PPP1R9A: variants seen among roughly 807,000 people sequenced by gnomAD.
PPP1R9A encodes neurabin-1.
In PPP1R9A, 59 loss-of-function variants were observed where a neutral mutation model predicts 141.9. The ratio of observed to expected loss-of-function variants is 0.42; its 90% CI spans 0.34 to 0.52. PPP1R9A has a LOEUF of 0.52. Ranked by LOEUF, PPP1R9A falls within the 20% of genes least tolerant of loss-of-function variation. The pLI, the probability that PPP1R9A is intolerant of heterozygous loss-of-function variation, is 0.10. For missense variants in PPP1R9A, 1,444 were observed against 1,611.9 expected (o/e 0.90, Z 1.78); for synonymous variants, 500 against 569.7 (o/e 0.88, Z 1.74).
chr7:95,037,057 A>G (rs1808522452), intron 2 of PPP1R9A: 2 of 152,322 alleles, frequency 1.3e-5, no homozygotes, highest in South Asian at 2.1e-4. Flanking sequence ...TTTCTATCCC[A>G]TAGAGATACA....
At chr7:95,006,859 A>G (rs939576928) in intron 2 of PPP1R9A, among the ~76,000 whole-genome samples, 3 of 151,058 alleles carry the variant, frequency 2.0e-5, no homozygotes, top group African/African-American at 7.3e-5. Context: ...GAATGGCCAT[A>G]ATAATTTTTT....
chr7:94,949,833 T>C (rs1421507012), intron 2 of PPP1R9A, among the ~76,000 whole-genome samples: 2 of 152,004 alleles, frequency 1.3e-5, no homozygotes, highest in Non-Finnish European at 2.9e-5. Flanking sequence ...GGTTGTCTTC[T>C]GGCTAGTAAA....
At chr7:95,258,436 G>A (rs984647799) in intron 12 of PPP1R9A, among the ~76,000 whole-genome samples, 5 of 152,070 alleles carry the variant, frequency 3.3e-5, no homozygotes, top group African/African-American at 9.7e-5. Context: ...CAGATGAGTA[G>A]ATTGCAAAAA....
chr7:95,207,410 TA>T (rs1321329514), intron 7 of PPP1R9A, among the ~76,000 whole-genome samples: 1 of 152,014 alleles, frequency 6.6e-6, no homozygotes, highest in Non-Finnish European at 1.5e-5. Context: ...TATGAAGTAA[TA>T]AAACATAACT....
At chr7:95,114,093 C>CA (rs1201525082) in intron 3 of PPP1R9A, among the ~76,000 whole-genome samples, 1 of 151,820 alleles carries the variant, frequency 6.6e-6, no homozygotes, top group South Asian at 2.1e-4. Context: ...TTGGTAGTAG[C>CA]AAAAAAACAA....
intron 5 of PPP1R9A, among the ~76,000 whole-genome samples, chr7:95,173,052 A>G (rs1832368813): frequency 6.6e-6 from 1 of 151,976 alleles, no homozygotes; most frequent in African/African-American, 2.4e-5. Context: ...TTCATCTCAC[A>G]GTATATATAA....
chr7:94,981,536 C>T (rs958088157), intron 2 of PPP1R9A, among the ~76,000 whole-genome samples: 2 of 152,048 alleles, frequency 1.3e-5, no homozygotes, highest in African/African-American at 4.8e-5. Flanking sequence ...TGTGCCTGGC[C>T]TACGTTTTTT....
At chr7:95,210,734 C>T (rs1791922100) in intron 7 of PPP1R9A, among the ~76,000 whole-genome samples, 1 of 152,146 alleles carries the variant, frequency 6.6e-6, no homozygotes, top group Non-Finnish European at 1.5e-5. Context: ...ATAGCAAAGA[C>T]TTGGAACCAA....
intron 2 of PPP1R9A, among the ~76,000 whole-genome samples, chr7:94,988,869 C>G (rs182031941): frequency 6.6e-6 from 1 of 151,474 alleles, no homozygotes; most frequent in Admixed American, 6.6e-5. Context: ...TTTTTTCAGT[C>G]CTTAGCTGTT....
chr7:95,256,807 T>C (rs969299536), intron 12 of PPP1R9A, among the ~76,000 whole-genome samples: 2 of 152,050 alleles, frequency 1.3e-5, no homozygotes, highest in Non-Finnish European at 2.9e-5. Context: ...ACATCAATCA[T>C]TTCCAACAAA....
At chr7:95,072,703 TATATA>T (rs1814048370) in intron 2 of PPP1R9A, among the ~76,000 whole-genome samples, 1 of 113,884 alleles carries the variant, frequency 8.8e-6, no homozygotes, top group African/African-American at 3.5e-5. Context: ...TGTAATATAA[TATATA>T]ATATATTATA....
At chr7:95,023,917 G>T (rs1036196595) in intron 2 of PPP1R9A, among the ~76,000 whole-genome samples, 2 of 152,118 alleles carry the variant, frequency 1.3e-5, no homozygotes, top group Non-Finnish European at 1.5e-5. Context: ...TTCTCTTGTG[G>T]GCATTTAGTG....
intron 14 of PPP1R9A, among the ~76,000 whole-genome samples, chr7:95,270,156 A>C (rs1801947112): frequency 6.7e-6 from 1 of 148,512 alleles, no homozygotes; most frequent in South Asian, 2.1e-4. Context: ...TGTGTATCTC[A>C]CAAACCTAAA....
intron 2 of PPP1R9A, among the ~76,000 whole-genome samples, chr7:94,915,918 G>T (rs1792016499): frequency 6.6e-6 from 1 of 152,260 alleles, no homozygotes; most frequent in East Asian, 1.9e-4. Flanking sequence ...GACCATCCTT[G>T]GTGTCTTCAG....
chr7:95,123,707 T>G (rs557928697), intron 4 of PPP1R9A, among the ~76,000 whole-genome samples: 4 of 152,042 alleles, frequency 2.6e-5, no homozygotes, highest in Admixed American at 6.6e-5. Flanking sequence ...TTTAAGAAAA[T>G]GTAACTAGGA....
intron 5 of PPP1R9A, among the ~76,000 whole-genome samples, chr7:95,182,782 A>T (rs1186894184): frequency 1.3e-5 from 2 of 152,206 alleles, no homozygotes; most frequent in Non-Finnish European, 2.9e-5. Context: ...TGTTGAATAT[A>T]TCAGAATGGC....
At position 94,910,959 on chromosome 7, in the gene PPP1R9A, G is replaced by A; in HGVS notation, c.846G>A (p.Val282=). The A allele has an allele frequency of 1.2e-6, 2 of 1,614,150 alleles. No homozygotes were observed. The highest frequency in any genetic ancestry group is 1.7e-6 in the Non-Finnish European group (2 of 1,180,028). ...GTAATGCAACTCCAGTACCAGAAGTGGCTTCTAAAAGTACCTCTCTAGCTT... is the reference window on the plus strand; with the variant it reads ...GTAATGCAACTCCAGTACCAGAAGTAGCTTCTAAAAGTACCTCTCTAGCTT... ...HKSNATPVPE[V]ASKSTSLASI... The change falls in exon 2 of 20, where the codon GTG becomes GTA. Residue 282 remains valine, a synonymous_variant. Coordinates refer to ENST00000433360, the MANE Select transcript of PPP1R9A (RefSeq NM_001166160.2). This position sits in a 1 kb window ranked among gnomAD's most constrained non-coding sequence, Gnocchi z 4.5.
intron 2 of PPP1R9A, among the ~76,000 whole-genome samples, chr7:95,044,460 G>A (rs1809706580): frequency 6.6e-6 from 1 of 151,696 alleles, no homozygotes; most frequent in Non-Finnish European, 1.5e-5. Context: ...GGTCTAATGA[G>A]TCTAAAAGAG....
At chr7:94,980,650 T>G (rs1188148154) in intron 2 of PPP1R9A, among the ~76,000 whole-genome samples, 1 of 151,814 alleles carries the variant, frequency 6.6e-6, no homozygotes, top group Non-Finnish European at 1.5e-5. Flanking sequence ...CTAAATTGAT[T>G]TCATAACCCT....
Sources: allele counts gnomAD v4.1 joint callset (sites outside exome capture counted in the v4.1 genomes callset), GRCh38; gene constraint gnomAD v4.1.1; non-coding constraint Gnocchi (gnomAD v3.1); transcripts MANE v1.5; gene names NCBI Gene and HGNC (gene_info 2026-07-23, HGNC 2026-07-21).